Variants in CCSER1 observed in about 807,000 individuals in gnomAD.
CCSER1 encodes coiled-coil serine rich protein 1.
In CCSER1, 41 loss-of-function variants were observed where a neutral mutation model predicts 82.0. The ratio of observed to expected loss-of-function variants is 0.50; its 90% CI spans 0.39 to 0.65. The LOEUF (loss-of-function observed/expected upper bound fraction) is 0.65. CCSER1 is among the 30% of genes least tolerant of loss of function. The pLI is 0.00. For synonymous variants in CCSER1, 414 were observed against 383.9 expected (o/e 1.08, Z -0.92); for missense variants, 1,119 against 1,064.2 (o/e 1.05, Z -0.72).
At chr4:90,390,137 C>T (rs72883363) in intron 3 of CCSER1, among the ~76,000 whole-genome samples, 19,076 of 152,078 alleles carry the variant, frequency 0.13, 2,108 homozygotes, top group African/African-American at 0.29. Flanking sequence ...TGGCTAAAGT[C>T]TGCAGGAATC....
intron 10 of CCSER1, among the ~76,000 whole-genome samples, chr4:91,389,392 G>A (rs1441417338): frequency 1.3e-5 from 2 of 151,966 alleles, no homozygotes; most frequent in Non-Finnish European, 1.5e-5. Context: ...CTATATGTAT[G>A]TGGGTCTATT....
intron 8 of CCSER1, among the ~76,000 whole-genome samples, chr4:90,874,050 G>A (rs1407247835): frequency 1.3e-5 from 2 of 152,062 alleles, no homozygotes; most frequent in Non-Finnish European, 2.9e-5. Flanking sequence ...GTAATGATAA[G>A]TAAATGATTC....
chr4:90,600,037 G>A (rs949167906), intron 5 of CCSER1, among the ~76,000 whole-genome samples: 1 of 152,106 alleles, frequency 6.6e-6, no homozygotes, highest in Admixed American at 6.6e-5. Flanking sequence ...ACTGCAGTGT[G>A]TATCAGTAGG....
At chr4:91,092,293 CA>C (rs1394321849) in intron 10 of CCSER1, among the ~76,000 whole-genome samples, 3 of 152,114 alleles carry the variant, frequency 2.0e-5, no homozygotes, top group Non-Finnish European at 4.4e-5. Context: ...AGAGGCAGTC[CA>C]AACCTAGGGA....
chr4:91,496,276 G>A (rs1162478372), intron 10 of CCSER1, among the ~76,000 whole-genome samples: 1 of 151,050 alleles, frequency 6.6e-6, no homozygotes, highest in South Asian at 2.1e-4. Flanking sequence ...GAGAGCAAAG[G>A]CTTGTTTTTC....
chr4:91,584,839 G>A (rs925330645), intron 10 of CCSER1, among the ~76,000 whole-genome samples: 4 of 149,506 alleles, frequency 2.7e-5, no homozygotes, highest in African/African-American at 9.8e-5. Context: ...TATTATGTGA[G>A]ACATCTGAAT....
intron 9 of CCSER1, among the ~76,000 whole-genome samples, chr4:90,970,607 A>T (rs1421266389): frequency 6.6e-6 from 1 of 151,996 alleles, no homozygotes; most frequent in African/African-American, 2.4e-5. Context: ...TGGGCTCGAC[A>T]GACATTTTAT....
At chr4:90,372,289 C>T (rs1156483613) in intron 3 of CCSER1, among the ~76,000 whole-genome samples, 1 of 152,022 alleles carries the variant, frequency 6.6e-6, no homozygotes, top group African/African-American at 2.4e-5. Context: ...TGGTAACTCA[C>T]TTTGAATGGA....
In CCSER1 at chr4:90,929,650, A is replaced by G. The variant is rs374057462; in HGVS notation, c.2172+6203A>G. 6.7e-4 allele frequency among the ~76,000 whole-genome samples: 102 copies of G among 152,322 alleles called. 1 individual carries two copies. Among genetic ancestry groups the G allele is most frequent in the African/African-American group, 2.3e-3 (94 of 41,582 alleles). ...AGAATGTGTGGTTGAGATCGTTATG[A>G]GGAAAACAGCAAGGCTAGATGTCAT... On this transcript the variant is annotated intron_variant, in intron 9 of 10. Transcript: ENST00000509176.
At chr4:90,923,484 T>C (rs755804576) in intron 9 of CCSER1, 37 bp downstream of exon 9, 1 of 1,424,720 alleles carries the variant, frequency 7.0e-7, no homozygotes, top group South Asian at 1.2e-5. Flanking sequence ...AACTTCATTA[T>C]TGGCATTCAG....
intron 5 of CCSER1, among the ~76,000 whole-genome samples, chr4:90,565,395 A>G (rs1437620491): frequency 3.3e-5 from 5 of 152,170 alleles, no homozygotes; most frequent in African/African-American, 7.2e-5. Context: ...TATTATTAAT[A>G]GTTCTAACCA....
At chr4:90,312,787 T>G in intron 2 of CCSER1, 76 bp from the exon 3 acceptor site, 10 of 1,147,206 alleles carry the variant, frequency 8.7e-6, no homozygotes, top group Non-Finnish European at 1.1e-5. Flanking sequence ...GAGTTTTTCA[T>G]GATCTTTCAG....
intron 4 of CCSER1, among the ~76,000 whole-genome samples, chr4:90,452,587 C>T (rs1196618741): frequency 6.6e-6 from 1 of 152,172 alleles, no homozygotes; most frequent in African/African-American, 2.4e-5. Flanking sequence ...GGACCTCGGG[C>T]CTGGGTTGGA....
At chr4:90,450,283 G>T (rs192018179) in intron 4 of CCSER1, among the ~76,000 whole-genome samples, 1 of 152,188 alleles carries the variant, frequency 6.6e-6, no homozygotes, top group South Asian at 2.1e-4. Flanking sequence ...TCTAGTGCTG[G>T]AGATAACACA....
chr4:91,451,229 C>T (rs1006163521), intron 10 of CCSER1, among the ~76,000 whole-genome samples: 7 of 151,920 alleles, frequency 4.6e-5, no homozygotes, highest in African/African-American at 1.7e-4. Flanking sequence ...AACATCCCAC[C>T]TCCTGATACC....
At chr4:90,577,351 C>G (rs1401482858) in intron 5 of CCSER1, among the ~76,000 whole-genome samples, 1 of 151,868 alleles carries the variant, frequency 6.6e-6, no homozygotes, top group Non-Finnish European at 1.5e-5. Flanking sequence ...AGTGAGTGTC[C>G]CTGGATTTTT....
At chr4:91,150,263 T>C (rs939531183) in intron 10 of CCSER1, among the ~76,000 whole-genome samples, 13 of 152,244 alleles carry the variant, frequency 8.5e-5, no homozygotes, top group African/African-American at 3.1e-4. Flanking sequence ...AGTTCACTTA[T>C]GATTTGGCTC....
At chr4:91,067,545 A>G (rs911416778) in intron 9 of CCSER1, among the ~76,000 whole-genome samples, 7 of 151,642 alleles carry the variant, frequency 4.6e-5, no homozygotes, top group African/African-American at 9.7e-5. Context: ...GAGTCTCACT[A>G]TGTTGTCTAG....
chr4:91,414,216 A>C (rs1193872844), intron 10 of CCSER1, among the ~76,000 whole-genome samples: 14 of 145,270 alleles, frequency 9.6e-5, no homozygotes, highest in Admixed American at 9.4e-4. Flanking sequence ...AAAAATACTA[A>C]TAACTATCAC....
Sources: gnomAD v4.1 joint callset for allele counts (sites outside exome capture counted in the v4.1 genomes callset) on GRCh38, gnomAD v4.1.1 for gene constraint, MANE v1.5 for transcripts, NCBI Gene and HGNC (gene_info 2026-07-23, HGNC 2026-07-21) for gene names.